GTSE1: variants seen among roughly 807,000 people sequenced by gnomAD.
The protein encoded by GTSE1 is G2 and S phase-expressed protein 1.
A neutral mutation model predicts 60.5 loss-of-function variants in GTSE1; 52 were observed. The observed-to-expected ratio is 0.86, with a 90% confidence interval of 0.69 to 1.08. The LOEUF (loss-of-function observed/expected upper bound fraction) is 1.08, where lower values mean the gene tolerates loss of function less well. Among genes scored for constraint, GTSE1 ranks in the 50% least tolerant of loss-of-function variants. The pLI, the probability that GTSE1 is intolerant of heterozygous loss-of-function variation, is 0.00. For synonymous variants in GTSE1, 368 were observed against 386.5 expected, an observed-to-expected ratio of 0.95 and a Z score of 0.56; for missense variants, 937 against 961.8, an observed-to-expected ratio of 0.97 and a Z score of 0.34.
In GTSE1 at chr22:46,310,405, A is replaced by C. The variant is rs1366071647; in HGVS notation, c.762+1462A>C. Among the ~76,000 whole-genome samples, 3 of 151,972 alleles carry C rather than the reference A, an allele frequency of 2.0e-5. No homozygotes were observed. In the East Asian group the frequency reaches 5.8e-4, roughly 29 times the overall value. ...GCAGCTGTTGTGGAAACAGTTTGGC[A>C]GCTCCTCAAAAAAATAAATGTAGAG... On this transcript the variant is annotated intron_variant, in intron 4 of 11. Transcript: ENST00000454366. This position sits in a 1 kb window ranked among gnomAD's most constrained non-coding sequence, Gnocchi z 4.4.
At chr22:46,308,991 C>A (rs747530341) in intron 4 of GTSE1, 48 bp downstream of exon 4, 1 of 1,547,318 alleles carries the variant, frequency 6.5e-7, no homozygotes, top group East Asian at 2.3e-5. Context: ...CACTCCTTGC[C>A]CCTCAGCCCT....
Position 46,297,502 on chromosome 22 carries a change from CTGT to C in GTSE1, c.79+31_79+33del, listed in dbSNP as rs763149405. 32 of 1,546,218 alleles carry C rather than the reference CTGT, an allele frequency of 2.1e-5. No homozygotes were observed. The African/African-American group carries it at 2.3e-4, about 11-fold the overall frequency. On this transcript the variant is annotated intron_variant, in intron 2 of 11. Transcript: ENST00000454366. This position sits in a 1 kb window ranked among gnomAD's most constrained non-coding sequence, Gnocchi z 4.9. ...AAGGCAAGTCCTTGCTGCTGCGGCG[CTGT>C]TGTTGTTCAGGATGTTCAGTAGAGA...
chr22:46,329,513 A>T lies in GTSE1; in HGVS notation c.2082A>T (p.Thr694=). 6.2e-7 allele frequency: 1 copy of T among 1,614,162 alleles called. No homozygotes were observed. Among genetic ancestry groups the T allele is most frequent in the Non-Finnish European group, 8.5e-7 (1 of 1,180,022 alleles). ...SESRPLIDLM[T]NTPDMNKNVA... ...GCAGGCCTCTGATCGACCTCATGAC[A>T]AACACTCCAGACATGAATAAAAATG... The change falls in exon 11 of 12, where the codon ACA becomes ACT. Residue 694 remains threonine, a synonymous_variant. Transcript: ENST00000454366. The surrounding 1 kb of genome is among the most constrained non-coding windows in gnomAD (Gnocchi z 6.4).
rs370186463 is a variant in GTSE1, at chr22:46,329,422, T to G, written c.1991T>G (p.Leu664Arg). The change falls in exon 11 of 12, where the codon CTC (leucine) becomes CGC (arginine). Residue 664 changes from leucine to arginine, a missense_variant. Leu to Arg is a moderately radical substitution (Grantham distance 102, BLOSUM62 -2). Transcript: ENST00000454366. This position sits in a 1 kb window ranked among gnomAD's most constrained non-coding sequence, Gnocchi z 6.4. ...ACTCCAGATGCTGCAAGCCAGCCCC[T>G]CATTGACCTTCCTCTCATCGACTTC... is the stretch of plus-strand genomic sequence containing the variant. ...AVTPDAASQP[L>R]IDLPLIDFCD... is the part of the protein sequence containing the mutation. 3.7e-6 allele frequency: 6 copies of G among 1,614,070 alleles called. No individual in the cohort carries two copies. The highest frequency in any genetic ancestry group is 1.7e-5 in the Admixed American group (1 of 60,002).
In GTSE1 at chr22:46,320,082, T is replaced by C. The variant is rs1244087274; in HGVS notation, c.1433-3108T>C. 6.6e-6 allele frequency among the ~76,000 whole-genome samples: 1 copy of C among 152,044 alleles called. No homozygotes were observed. Among genetic ancestry groups the C allele is most frequent in the Non-Finnish European group, 1.5e-5 (1 of 68,010 alleles). ...CGGCCCAGGTCATGTGGAGGTGTGT[T>C]CAGTAGTGTTTGCTTCCCTTCTGCC... is the stretch of plus-strand genomic sequence containing the variant. On this transcript the variant is annotated intron_variant, in intron 7 of 11. Coordinates refer to ENST00000454366, the MANE Select transcript of GTSE1 (RefSeq NM_016426.7). The surrounding 1 kb of genome is among the most constrained non-coding windows in gnomAD (Gnocchi z 7.1).
rs2077705690 is a variant in GTSE1, at chr22:46,304,438, T to A, written c.80-3712T>A. Among the ~76,000 whole-genome samples the A allele has an allele frequency of 6.6e-6, 1 of 152,254 alleles. No individual in the cohort carries two copies. Among genetic ancestry groups the A allele is most frequent in the African/African-American group, 2.4e-5 (1 of 41,468 alleles). On this transcript the variant is annotated intron_variant, in intron 2 of 11. Coordinates refer to ENST00000454366, the MANE Select transcript of GTSE1 (RefSeq NM_016426.7). The surrounding 1 kb of genome is among the most constrained non-coding windows in gnomAD (Gnocchi z 4.4). ...TTGGGTTGAGATGGGGATTTCCTTA[T>A]ATATCTATTACTTTTTATTAAGAGC...
chr22:46,323,392 G>C (rs1402254195), intron 8 of GTSE1, 130 bp downstream of exon 8: 2 of 744,584 alleles, frequency 2.7e-6, no homozygotes, highest in Non-Finnish European at 4.8e-6. Context: ...CTTGGGTGCA[G>C]GCCGAGCTCC....
chr22:46,305,352 G>A (rs1305799427), intron 2 of GTSE1, among the ~76,000 whole-genome samples: 1 of 152,230 alleles, frequency 6.6e-6, no homozygotes, highest in Non-Finnish European at 1.5e-5. Flanking sequence ...GCTCACGCCT[G>A]TAATCCCAGC....
At position 46,324,206 on chromosome 22, in the gene GTSE1, T is replaced by C. The variant is rs1366412592; in HGVS notation, c.1505+944T>C. On this transcript the variant is annotated intron_variant, in intron 8 of 11. Coordinates refer to ENST00000454366, the MANE Select transcript of GTSE1 (RefSeq NM_016426.7). This position sits in a 1 kb window ranked among gnomAD's most constrained non-coding sequence, Gnocchi z 5.2. Reference sequence around the variant, plus strand: ...TCGAACTAGCCAGTCCCTCACGTGCTGCGCATGGTGCCATGCTAAGCTGCC... The same window carrying C: ...TCGAACTAGCCAGTCCCTCACGTGCCGCGCATGGTGCCATGCTAAGCTGCC... Among the ~76,000 whole-genome samples, 1 of 152,170 alleles carries C rather than the reference T, an allele frequency of 6.6e-6. No individual in the cohort carries two copies. The highest frequency in any genetic ancestry group is 1.5e-5 in the Non-Finnish European group (1 of 68,030).
Position 46,313,886 on chromosome 22 carries a change from C to A in GTSE1, c.928-4C>A, listed in dbSNP as rs2077762962. 8 of 1,613,926 alleles carry A rather than the reference C, an allele frequency of 5.0e-6. No homozygotes were observed. Among genetic ancestry groups the A allele is most frequent in the East Asian group, 2.2e-5 (1 of 44,882 alleles). On this transcript the variant is annotated splice_polypyrimidine_tract_variant and splice_region_variant and intron_variant, in intron 5 of 11. Coordinates refer to ENST00000454366, the MANE Select transcript of GTSE1 (RefSeq NM_016426.7). This position sits in a 1 kb window ranked among gnomAD's most constrained non-coding sequence, Gnocchi z 4.4. ...TGATTCTGTTTTTTCACATTTTGCC[C>A]CAGTTGGGGCTGAAGAAGACCCTGT... is the stretch of plus-strand genomic sequence containing the variant.
At position 46,309,038 on chromosome 22, in the gene GTSE1, C is replaced by T. The variant is rs928082083; in HGVS notation, c.762+95C>T. 3.7e-5 allele frequency: 51 copies of T among 1,374,234 alleles called. 1 individual carries two copies. The Admixed American group carries it at 1.1e-3, about 29-fold the overall frequency. 85.1% of individuals were successfully genotyped at this position (1,374,234 alleles called of 1,614,324 possible). A position where few individuals can be genotyped will look rare whatever the true frequency, so the allele number is the denominator to read the frequency against. On this transcript the variant is annotated intron_variant, in intron 4 of 11. Coordinates refer to ENST00000454366, the MANE Select transcript of GTSE1 (RefSeq NM_016426.7). This position sits in a 1 kb window ranked among gnomAD's most constrained non-coding sequence, Gnocchi z 6.2. Reference sequence around the variant, plus strand: ...CACATGCGGAAAGCCTCAGAGGTGGCGAGTCTCTGAGGCCTACAAAACACA... The same window carrying T: ...CACATGCGGAAAGCCTCAGAGGTGGTGAGTCTCTGAGGCCTACAAAACACA...
At chr22:46,315,407 C>A (rs1268990876) in intron 6 of GTSE1, among the ~76,000 whole-genome samples, 1 of 152,114 alleles carries the variant, frequency 6.6e-6, no homozygotes, top group African/African-American at 2.4e-5. Flanking sequence ...ATTAGCCAGG[C>A]TGGTCTCGAA....
chr22:46,316,544 CG>C lies in GTSE1; in HGVS notation c.1432+133del, dbSNP rs1381719113. 10 of 696,614 alleles carry C rather than the reference CG, an allele frequency of 1.4e-5. No homozygotes were observed. The East Asian group carries it at 2.7e-4, about 19-fold the overall frequency. 43.2% of individuals were successfully genotyped at this position (696,614 alleles called of 1,614,324 possible). The stretch of plus-strand genomic sequence containing the variant: ...TCCAACAGTGCTTTCAGGTGTGACC[CG>C]CTGTCTTCTCGCCCACGTTGTTTTG... On this transcript the variant is annotated intron_variant, in intron 7 of 11. Coordinates refer to ENST00000454366, the MANE Select transcript of GTSE1 (RefSeq NM_016426.7). The surrounding 1 kb of genome is among the most constrained non-coding windows in gnomAD (Gnocchi z 5.0).
At position 46,312,282 on chromosome 22, in the gene GTSE1, C is replaced by T. The variant is rs753228696; in HGVS notation, c.904C>T (p.Arg302Trp). Reference protein sequence around the residue: ...AAGSHLGQGKRAIPVPNKLGL... With the variant: ...AAGSHLGQGKWAIPVPNKLGL... ...CGGAAGCCACTTGGGCCAGGGCAAG[C>T]GGGCGATCCCTGTTCCAAACAAGGT... Residue 302 changes from arginine (R) to tryptophan (W), a missense_variant, in exon 5 of 12, where the codon CGG becomes TGG. Transcript: ENST00000454366. The T allele has an allele frequency of 4.3e-5, 70 of 1,612,468 alleles. 1 individual carries two copies. The highest frequency in any genetic ancestry group is 3.4e-4 in the Admixed American group (20 of 59,540).
intron 2 of GTSE1, 144 bp from the exon 3 acceptor site, chr22:46,308,006 A>G: frequency 1.6e-6 from 1 of 633,346 alleles, no homozygotes; most frequent in Non-Finnish European, 2.8e-6. Flanking sequence ...CCCCTATGAA[A>G]AACTAAATTA....
chr22:46,301,051 T>C (rs1601898321), intron 2 of GTSE1, among the ~76,000 whole-genome samples: 1 of 152,202 alleles, frequency 6.6e-6, no homozygotes, highest in Admixed American at 6.5e-5. Flanking sequence ...TAATTTATCT[T>C]GATGAATATT....
chr22:46,299,495 C>A (rs2077677001), intron 2 of GTSE1, among the ~76,000 whole-genome samples: 1 of 152,170 alleles, frequency 6.6e-6, no homozygotes, highest in East Asian at 1.9e-4. Flanking sequence ...CATTTTATTT[C>A]TCCATTTCAC....
Position 46,308,476 on chromosome 22 carries a change from G to T in GTSE1, c.295G>T (p.Val99Leu). The change falls in exon 4 of 12, where the codon GTG becomes TTG. Residue 99 changes from valine (V) to leucine (L), a missense_variant. By Grantham distance (32) the Val-to-Leu change is conservative. Transcript: ENST00000454366. Reference protein sequence around the residue: ...AWSPLAGEKFVEVYKEAHLLA... With the variant: ...AWSPLAGEKFLEVYKEAHLLA... ...GAGCCCTCTGGCCGGGGAGAAGTTC[G>T]TGGAGGTGTACAAAGAAGCTCACTT... 6.2e-7 allele frequency: 1 copy of T among 1,614,182 alleles called. No homozygotes were observed. Among genetic ancestry groups the T allele is most frequent in the South Asian group, 1.1e-5 (1 of 91,082 alleles).
chr22:46,323,330 C>A, intron 8 of GTSE1, 68 bp downstream of exon 8: 1 of 1,209,670 alleles, frequency 8.3e-7, no homozygotes, highest in Non-Finnish European at 1.2e-6. Context: ...CTTACCTCAA[C>A]CATTTGGTAA....
Sources: allele counts gnomAD v4.1 joint callset (sites outside exome capture counted in the v4.1 genomes callset), GRCh38; gene constraint gnomAD v4.1.1; non-coding constraint Gnocchi (gnomAD v3.1); transcripts MANE v1.5; gene names NCBI Gene and HGNC (gene_info 2026-07-23, HGNC 2026-07-21).